The following ECE1 variants were observed in gnomAD, a reference collection of about 807,000 sequenced individuals.
ECE1 encodes endothelin-converting enzyme 1.
Under a neutral mutation model 98.6 loss-of-function variants are expected in ECE1, and 35 were observed. That is an observed-to-expected ratio of 0.35 (90% CI 0.27 to 0.47). The LOEUF (loss-of-function observed/expected upper bound fraction) is 0.47, where lower values mean the gene tolerates loss of function less well. ECE1 is among the 20% of genes least tolerant of loss of function. The pLI is 1.00. For missense variants in ECE1, 814 were observed against 1,025.3 expected (o/e 0.79, Z 2.81); for synonymous variants, 394 against 407.1 (o/e 0.97, Z 0.39).
chr1:21,293,619 A>G (rs1331668359), upstream of ECE1: 1 of 151,862 alleles, frequency 6.6e-6, no homozygotes, highest in Non-Finnish European at 1.5e-5. Context: ...GAGCCTGGTT[A>G]TTTTTCAGCA....
intron 14 of ECE1, among the ~76,000 whole-genome samples, chr1:21,231,096 G>A (rs1246611225): frequency 1.3e-5 from 2 of 152,136 alleles, no homozygotes; most frequent in Non-Finnish European, 2.9e-5. Flanking sequence ...CCAAAGTGCT[G>A]GGATTACAGA....
chr1:21,269,480 A>G (rs1411767719), intron 4 of ECE1, among the ~76,000 whole-genome samples: 2 of 152,170 alleles, frequency 1.3e-5, no homozygotes, highest in Non-Finnish European at 2.9e-5. Flanking sequence ...CCTACTAATG[A>G]GCTGAGTTTC....
At chr1:21,253,352 C>T (rs1288677389) in intron 8 of ECE1, among the ~76,000 whole-genome samples, 5 of 151,966 alleles carry the variant, frequency 3.3e-5, no homozygotes, top group South Asian at 2.1e-4. Flanking sequence ...CCACCATGCC[C>T]GGCCAGGACG....
At chr1:21,243,811 C>A (rs1320723345) in intron 10 of ECE1, among the ~76,000 whole-genome samples, 1 of 152,230 alleles carries the variant, frequency 6.6e-6, no homozygotes, top group Non-Finnish European at 1.5e-5. Context: ...GGCAGCCAAC[C>A]CACTGCTCCC....
At chr1:21,242,576 A>G (rs1269967588) in intron 10 of ECE1, among the ~76,000 whole-genome samples, 1 of 152,180 alleles carries the variant, frequency 6.6e-6, no homozygotes, top group Non-Finnish European at 1.5e-5. Context: ...CTGGAGATTA[A>G]GAAACAGGTG....
intron 9 of ECE1, among the ~76,000 whole-genome samples, chr1:21,245,557 T>C (rs1170543326): frequency 6.6e-6 from 1 of 152,166 alleles, no homozygotes; most frequent in Non-Finnish European, 1.5e-5. Flanking sequence ...GGCCAAGCTT[T>C]CCATGATGAC....
intron 2 of ECE1, among the ~76,000 whole-genome samples, chr1:21,286,608 C>A (rs2098260770): frequency 6.6e-6 from 1 of 152,110 alleles, no homozygotes; most frequent in African/African-American, 2.4e-5. Flanking sequence ...TAGTAGACTG[C>A]AAGTAATCTG....
At chr1:21,240,430 T>C (rs940614358) in intron 10 of ECE1, among the ~76,000 whole-genome samples, 2 of 152,008 alleles carry the variant, frequency 1.3e-5, no homozygotes, top group Non-Finnish European at 2.9e-5. Context: ...GAGGTTGCAG[T>C]GAGCTGAGAT....
intron 1 of ECE1, among the ~76,000 whole-genome samples, chr1:21,317,541 G>A (rs1638856219): frequency 6.6e-6 from 1 of 152,228 alleles, no homozygotes; most frequent in Non-Finnish European, 1.5e-5. Flanking sequence ...CCCCTGACCG[G>A]GATGGAGTCA....
intron 17 of ECE1, among the ~76,000 whole-genome samples, chr1:21,223,515 G>A (rs1038142618): frequency 7.2e-5 from 11 of 152,192 alleles, no homozygotes; most frequent in African/African-American, 2.7e-4. Context: ...TGCCCAGGCT[G>A]GAGTGCAGTG....
At position 21,256,767 on chromosome 1, in the gene ECE1, C is replaced by A. The variant is rs28367988; in HGVS notation, c.829-629G>T. 147 of 154,080 alleles carry A rather than the reference C, an allele frequency of 9.5e-4. 4 individuals are homozygous for A. The South Asian group carries it at 0.023, about 24-fold the overall frequency. 9.5% of individuals were successfully genotyped at this position (154,080 alleles called of 1,614,324 possible). The stretch of plus-strand genomic sequence containing the variant: ...GAATGCATCTTTTCTGACCACCCCC[C>A]ACCCGTGTTCCAAGATCTGAATTAG... On this transcript the variant is annotated intron_variant, in intron 7 of 18. Transcript: ENST00000374893.
At chr1:21,302,974 C>CG (rs1280558902) in intron 1 of ECE1, among the ~76,000 whole-genome samples, 4 of 152,184 alleles carry the variant, frequency 2.6e-5, no homozygotes, top group African/African-American at 7.2e-5. Flanking sequence ...TGCCACCCCC[C>CG]GGGCCTGGGC....
intron 1 of ECE1, among the ~76,000 whole-genome samples, chr1:21,343,820 G>A (rs1639447285): frequency 6.6e-6 from 1 of 152,050 alleles, no homozygotes; most frequent in African/African-American, 2.4e-5. Flanking sequence ...TTCTTTTTTT[G>A]GTGGTTTTTA....
rs1194532801 is a variant in ECE1, at chr1:21,307,093, C to A, written c.4-16937G>T. Among the ~76,000 whole-genome samples, 2 of 152,216 alleles carry A rather than the reference C, an allele frequency of 1.3e-5. No individual in the cohort carries two copies. Among genetic ancestry groups the A allele is most frequent in the African/African-American group, 4.8e-5 (2 of 41,460 alleles). ...CACCGAGGACTCCCTCGTCTCCCTG[C>A]ACTCAAGACTCTCCCCTTCCTCTGG... On this transcript the variant is annotated intron_variant, in intron 1 of 18. Transcript: ENST00000415912. This position sits in a 1 kb window ranked among gnomAD's most constrained non-coding sequence, Gnocchi z 4.2.
At chr1:21,306,556 G>C (rs928598766) in intron 1 of ECE1, among the ~76,000 whole-genome samples, 1 of 152,034 alleles carries the variant, frequency 6.6e-6, no homozygotes, top group African/African-American at 2.4e-5. Flanking sequence ...AGGCTGTCTC[G>C]AACTCCTGAC....
intron 3 of ECE1, among the ~76,000 whole-genome samples, chr1:21,273,346 CGTGTGTGTGTGTGTGT>C (rs60168069): frequency 2.3e-5 from 3 of 133,078 alleles, no homozygotes; most frequent in African/African-American, 3.1e-5. Context: ...TGCGTGTGTG[CGTGTGTGTGTGTGTGT>C]GTGTGTGTGT....
At position 21,260,054 on chromosome 1, in the gene ECE1, C is replaced by A. The variant is rs994019726; in HGVS notation, c.615+217G>T. On this transcript the variant is annotated intron_variant, in intron 5 of 18. Transcript: ENST00000374893. This position sits in a 1 kb window ranked among gnomAD's most constrained non-coding sequence, Gnocchi z 4.3. ...ACAGATGCTGACACACACTCTCACA[C>A]AAACACATGCACAGACAACCCACCC... Among the ~76,000 whole-genome samples, 2 of 152,272 alleles carry A rather than the reference C, an allele frequency of 1.3e-5. No individual in the cohort carries two copies. The highest frequency in any genetic ancestry group is 2.9e-5 in the Non-Finnish European group (2 of 68,048).
intron 1 of ECE1, among the ~76,000 whole-genome samples, chr1:21,335,542 A>G (rs1034776528): frequency 2.0e-5 from 3 of 152,214 alleles, no homozygotes; most frequent in Non-Finnish European, 4.4e-5. Flanking sequence ...AGCAGGGTTC[A>G]GACCGAGGGC....
chr1:21,251,382 G>A (rs1180275514), intron 8 of ECE1, among the ~76,000 whole-genome samples: 1 of 152,082 alleles, frequency 6.6e-6, no homozygotes, highest in African/African-American at 2.4e-5. Flanking sequence ...AGGCGTGGTG[G>A]TGCACGCCTG....
Sources: allele counts gnomAD v4.1 joint callset (sites outside exome capture counted in the v4.1 genomes callset), GRCh38; gene constraint gnomAD v4.1.1; non-coding constraint Gnocchi (gnomAD v3.1); transcripts MANE v1.5; gene names NCBI Gene and HGNC (gene_info 2026-07-23, HGNC 2026-07-21).